The following ANK2 variants were observed in gnomAD, a reference collection of about 807,000 sequenced individuals.
ANK2 encodes ankyrin 2.
In ANK2, 83 loss-of-function variants were observed where a neutral mutation model predicts 360.5. That is an observed-to-expected ratio of 0.23 (90% CI 0.19 to 0.28). The LOEUF (loss-of-function observed/expected upper bound fraction) is 0.28. ANK2 is among the 10% of genes least tolerant of loss of function. ANK2 has a pLI of 1.00. For synonymous variants in ANK2, 1,740 were observed against 1,759.5 expected (o/e 0.99, Z 0.28); for missense variants, 4,201 against 4,795.7 (o/e 0.88, Z 3.66).
the ANK2 span, among the ~76,000 whole-genome samples, chr4:112,763,999 A>G: frequency 6.6e-6 from 1 of 152,082 alleles, no homozygotes; most frequent in Non-Finnish European, 1.5e-5. Context: ...GCTGGAGTGC[A>G]GTGGTGCCAT....
the ANK2 span, among the ~76,000 whole-genome samples, chr4:112,735,725 T>C: frequency 1.3e-5 from 2 of 152,328 alleles, no homozygotes; most frequent in South Asian, 4.1e-4. Flanking sequence ...AGCTTAACCA[T>C]TTCTAAGTGT....
chr4:113,357,032 C>T lies in ANK2; in HGVS notation c.8414C>T (p.Pro2805Leu), dbSNP rs575152865. ...SPTGDDVDEQ[P>L]VIYKESLALQ... ...ACTGGTGATGATGTTGATGAACAGCCAGTCATCTATAAAGAATCATTAGCT... is the reference window on the plus strand; with the variant it reads ...ACTGGTGATGATGTTGATGAACAGCTAGTCATCTATAAAGAATCATTAGCT... Residue 2805 changes from proline (P) to leucine (L), a missense_variant, in exon 38 of 46, where the codon CCA (proline) becomes CTA (leucine). This residue lies in a region of ANK2 where 2,642 missense variants were observed against 2,714.5 expected (regional missense o/e 0.97). Transcript: ENST00000357077. The T allele has an allele frequency of 2.9e-5, 47 of 1,613,970 alleles. No individual in the cohort carries two copies. The South Asian group carries it at 4.7e-4, about 16-fold the overall frequency.
the ANK2 span, among the ~76,000 whole-genome samples, chr4:112,776,598 G>A: frequency 6.6e-6 from 1 of 152,158 alleles, no homozygotes; most frequent in South Asian, 2.1e-4. Flanking sequence ...TTTTTTAAGT[G>A]TCTTTAGCTC....
intron 5 of ANK2, among the ~76,000 whole-genome samples, chr4:113,236,318 C>G (rs2099383724): frequency 6.6e-6 from 1 of 152,014 alleles, no homozygotes; most frequent in African/African-American, 2.4e-5. Context: ...TTTAAGCTGT[C>G]TTTTTAAGTT....
At chr4:112,861,298 C>T (rs1450649982) in intron 1 of ANK2, among the ~76,000 whole-genome samples, 2 of 152,306 alleles carry the variant, frequency 1.3e-5, no homozygotes, top group South Asian at 2.1e-4. Flanking sequence ...TTATGGGCTA[C>T]TTCCTGGGTT....
At chr4:112,857,917 G>C (rs2150058794) in intron 1 of ANK2, among the ~76,000 whole-genome samples, 2 of 152,210 alleles carry the variant, frequency 1.3e-5, no homozygotes, top group South Asian at 4.2e-4. Flanking sequence ...AATTTTGCTG[G>C]TCCTAGGACC....
intron 2 of ANK2, among the ~76,000 whole-genome samples, chr4:113,044,180 C>G (rs1490992727): frequency 6.6e-6 from 1 of 152,110 alleles, no homozygotes; most frequent in African/African-American, 2.4e-5. Flanking sequence ...ACACCATAAT[C>G]TCAGTGATTA....
intron 1 of ANK2, among the ~76,000 whole-genome samples, chr4:113,154,949 T>A (rs1044040234): frequency 2.0e-5 from 3 of 152,196 alleles, no homozygotes; most frequent in African/African-American, 7.2e-5. Context: ...AACCACTTCA[T>A]CTGGCATTGG....
At chr4:112,933,416 A>C (rs2093433811) in intron 2 of ANK2, among the ~76,000 whole-genome samples, 1 of 152,128 alleles carries the variant, frequency 6.6e-6, no homozygotes, top group Non-Finnish European at 1.5e-5. Context: ...TGGATATATC[A>C]CCTAACCCTT....
the ANK2 span, among the ~76,000 whole-genome samples, chr4:112,753,923 C>A: frequency 6.6e-6 from 1 of 151,726 alleles, no homozygotes; most frequent in Non-Finnish European, 1.5e-5. Flanking sequence ...CATGGTGAAA[C>A]CCTGTCTCTA....
intron 1 of ANK2, among the ~76,000 whole-genome samples, chr4:113,136,213 A>G (rs1205400534): frequency 6.6e-6 from 1 of 152,198 alleles, no homozygotes; most frequent in East Asian, 1.9e-4. Flanking sequence ...TAAAAAGACA[A>G]TTAAAATACA....
chr4:113,365,091 T>G lies in ANK2; in HGVS notation c.10941T>G (p.His3647Gln). The change falls in exon 41 of 46, where the codon CAT becomes CAG. Residue 3647 changes from histidine (H) to glutamine (Q), a missense_variant. Around this residue, in one of 4 missense-constraint regions of ANK2, gnomAD observed 2,642 missense variants for 2,714.5 expected, o/e 0.97. Coordinates refer to ENST00000357077, the MANE Select transcript of ANK2 (RefSeq NM_001148.6). ...LTKINRMDIV[H>Q]LMETNTEPLQ... ...AGATCAACCGAATGGATATTGTTCA[T>G]CTCATGGAGACCAACACAGAACCTC... The G allele has an allele frequency of 6.2e-7, 1 of 1,614,034 alleles. No homozygotes were observed. The highest frequency in any genetic ancestry group is 8.5e-7 in the Non-Finnish European group (1 of 1,179,930).
chr4:112,816,351 T>C (rs984314763), upstream of ANK2, among the ~76,000 whole-genome samples: 1 of 152,174 alleles, frequency 6.6e-6, no homozygotes, highest in African/African-American at 2.4e-5. Flanking sequence ...AATCTCATAT[T>C]GAATTCCACA....
In ANK2 at chr4:113,293,490, G is replaced by C. The variant is rs759057278; in HGVS notation, c.2427G>C (p.Val809=). ...AIAKRLGYIS[V]VDTLKVVTEE... is the part of the protein sequence containing the mutation. ...CTAAGCGTCTGGGCTACATCTCCGT[G>C]GTCGACACCCTGAAGGTTGTGACTG... The change falls in exon 22 of 46, where the codon GTG becomes GTC. Residue 809 remains valine (V), a synonymous_variant. Coordinates refer to ENST00000357077, the MANE Select transcript of ANK2 (RefSeq NM_001148.6). 3.1e-6 allele frequency: 5 copies of C among 1,613,672 alleles called. No homozygotes were observed. Among genetic ancestry groups the C allele is most frequent in the Non-Finnish European group, 3.4e-6 (4 of 1,179,960 alleles).
intron 1 of ANK2, 97 bp from the exon 2 acceptor site, chr4:113,174,319 G>T: frequency 9.7e-7 from 1 of 1,035,806 alleles, no homozygotes; most frequent in Non-Finnish European, 1.5e-6. Context: ...TCCAACTAAA[G>T]CTTTTCTGAC....
chr4:112,951,706 G>T (rs899921151), intron 2 of ANK2, among the ~76,000 whole-genome samples: 3 of 152,252 alleles, frequency 2.0e-5, no homozygotes, highest in African/African-American at 7.2e-5. Flanking sequence ...CAAAGGCATT[G>T]TGTACATAAG....
At chr4:112,988,948 G>T (rs565588550) in intron 2 of ANK2, among the ~76,000 whole-genome samples, 1 of 152,238 alleles carries the variant, frequency 6.6e-6, no homozygotes, top group African/African-American at 2.4e-5. Context: ...ACAGATTTTC[G>T]GGGTGTTTCA....
At chr4:113,222,655 A>T (rs987572495) in intron 4 of ANK2, among the ~76,000 whole-genome samples, 2 of 152,160 alleles carry the variant, frequency 1.3e-5, no homozygotes, top group African/African-American at 4.8e-5. Flanking sequence ...ACTGTGAGCC[A>T]CAGTCTCATT....
chr4:112,947,160 AC>A (rs2094594601), intron 2 of ANK2, among the ~76,000 whole-genome samples: 1 of 152,156 alleles, frequency 6.6e-6, no homozygotes, highest in Non-Finnish European at 1.5e-5. Context: ...CAGTTATTTA[AC>A]CCCCATTATT....
Sources: allele counts gnomAD v4.1 joint callset (sites outside exome capture counted in the v4.1 genomes callset), GRCh38; gene constraint gnomAD v4.1.1; regional missense constraint gnomAD v4.1.1; transcripts MANE v1.5; gene names NCBI Gene and HGNC (gene_info 2026-07-23, HGNC 2026-07-21).